The following TSPEAR variants were observed in gnomAD, a reference collection of about 807,000 sequenced individuals.
TSPEAR encodes thrombospondin type laminin G domain and EAR repeats, also known as thrombospondin-type laminin G domain and EAR repeat-containing protein.
In TSPEAR, 69 loss-of-function variants were observed where a neutral mutation model predicts 71.6. The observed-to-expected ratio is 0.96, with a 90% CI of 0.79 to 1.18. The LOEUF is 1.18. Among genes scored for constraint, TSPEAR ranks in the 50% most tolerant of loss-of-function variants. The pLI is 0.00. For missense variants in TSPEAR, 971 were observed against 894.9 expected (o/e 1.09, Z -1.09); for synonymous variants, 402 against 387.2 (o/e 1.04, Z -0.45).
intron 1 of TSPEAR, among the ~76,000 whole-genome samples, chr21:44,644,717 T>A (rs1256306996): frequency 1.3e-5 from 2 of 152,168 alleles, no homozygotes; most frequent in African/African-American, 4.8e-5. Context: ...ATGGATAACA[T>A]ATTTCATTCA....
At chr21:44,517,203 G>C (rs200722886) in intron 9 of TSPEAR, 2 of 153,878 alleles carry the variant, frequency 1.3e-5, no homozygotes, top group African/African-American at 4.8e-5. Context: ...ACACATACCA[G>C]TTCTCATTCC....
chr21:44,544,152 A>T (rs782700961), intron 2 of TSPEAR, among the ~76,000 whole-genome samples: 3 of 152,218 alleles, frequency 2.0e-5, no homozygotes, highest in Non-Finnish European at 4.4e-5. Context: ...GTGATCCATG[A>T]TGTGAAACAT....
At chr21:44,704,130 G>T (rs1158693345) in intron 1 of TSPEAR, among the ~76,000 whole-genome samples, 1 of 152,194 alleles carries the variant, frequency 6.6e-6, no homozygotes, top group East Asian at 1.9e-4. Flanking sequence ...GGGCCCTCCC[G>T]CAATTAGAAC....
At chr21:44,502,189 C>T (rs183433549) in intron 11 of TSPEAR, among the ~76,000 whole-genome samples, 1 of 152,328 alleles carries the variant, frequency 6.6e-6, no homozygotes, top group Admixed American at 6.5e-5. Flanking sequence ...TCAGCCCTGG[C>T]CCGGATGGCC....
intron 1 of TSPEAR, among the ~76,000 whole-genome samples, chr21:44,649,268 G>A (rs757124892): frequency 2.6e-4 from 39 of 152,200 alleles, no homozygotes; most frequent in Non-Finnish European, 4.9e-4. Context: ...AGCCCCAGGC[G>A]AGGCTGCTGG....
At chr21:44,648,945 C>T (rs1318739796) in intron 1 of TSPEAR, among the ~76,000 whole-genome samples, 1 of 152,210 alleles carries the variant, frequency 6.6e-6, no homozygotes, top group Non-Finnish European at 1.5e-5. Flanking sequence ...TGTGAACGTG[C>T]GTGAAGGTGC....
In TSPEAR at chr21:44,558,537, G is replaced by A. The variant is rs372171182; in HGVS notation, c.303+9248C>T. ...CTGGCAGGGGCTGGGCTCACAGGCC[G>A]CCTGGCAGCAGGGGCTGGACACACA... On this transcript the variant is annotated intron_variant, in intron 2 of 11. Transcript: ENST00000323084. 3.2e-5 allele frequency: 51 copies of A among 1,613,260 alleles called. No individual in the cohort carries two copies. In the Middle Eastern group the frequency reaches 6.9e-4, roughly 22 times the overall value.
At chr21:44,652,884 T>C (rs1424104136) in intron 1 of TSPEAR, among the ~76,000 whole-genome samples, 4 of 152,020 alleles carry the variant, frequency 2.6e-5, no homozygotes, top group Non-Finnish European at 4.4e-5. Flanking sequence ...TGGCGGGGTG[T>C]GGTGGCTCAC....
At chr21:44,669,227 A>C (rs1985937362) in intron 1 of TSPEAR, among the ~76,000 whole-genome samples, 1 of 152,186 alleles carries the variant, frequency 6.6e-6, no homozygotes, top group Admixed American at 6.5e-5. Flanking sequence ...GATCGAGACC[A>C]TCCTGGCTAA....
rs781794878 is a variant in TSPEAR at position 44,529,793 on chromosome 21, CTAACCATAGG to C, written c.785_790+4del. 36 of 1,613,584 alleles carry C rather than the reference CTAACCATAGG, an allele frequency of 2.2e-5. No individual in the cohort carries two copies. Among genetic ancestry groups the C allele is most frequent in the African/African-American group, 2.7e-5 (2 of 74,930 alleles). ...GGTGTGGGGGCGGGTGGCCCCCCTA[CTAACCATAGG>C]GATATTTTAGCACCTCGTTATCTTC... On this transcript the variant is annotated splice_donor_variant and splice_donor_region_variant and coding_sequence_variant and intron_variant, in exon 5 of 12. Coordinates refer to ENST00000323084, the MANE Select transcript of TSPEAR (RefSeq NM_144991.3). LOFTEE classifies it high-confidence loss of function.
At chr21:44,619,596 C>T (rs1027337940) in intron 1 of TSPEAR, among the ~76,000 whole-genome samples, 1 of 152,052 alleles carries the variant, frequency 6.6e-6, no homozygotes, top group Non-Finnish European at 1.5e-5. Context: ...CAATCACAGA[C>T]AATGAATTAA....
In TSPEAR at chr21:44,644,021, G is replaced by A. The variant is rs587672515; in HGVS notation, c.82+67412C>T. ...AATGTGTGTCACTTGCAGAAGACCT[G>A]GCCGTGGGCCACCCTGCCCTCCAGA... On this transcript the variant is annotated intron_variant, in intron 1 of 11. Coordinates refer to ENST00000323084, the MANE Select transcript of TSPEAR (RefSeq NM_144991.3). Among the ~76,000 whole-genome samples the A allele has an allele frequency of 2.0e-4, 31 of 152,336 alleles. No homozygotes were observed. In the South Asian group the frequency reaches 6.0e-3, roughly 30 times the overall value.
At chr21:44,579,269 A>G (rs1338921563) in intron 1 of TSPEAR, among the ~76,000 whole-genome samples, 1 of 152,144 alleles carries the variant, frequency 6.6e-6, no homozygotes, top group African/African-American at 2.4e-5. Context: ...CCAGGCATGG[A>G]GGCTGAGCCG....
chr21:44,504,239 G>GA (rs1286243183), intron 11 of TSPEAR, among the ~76,000 whole-genome samples: 4 of 129,480 alleles, frequency 3.1e-5, no homozygotes, highest in African/African-American at 1.2e-4. Context: ...GTGAGCCCTC[G>GA]GGGGGTAGCT....
chr21:44,595,255 C>T (rs1352191081), intron 1 of TSPEAR, among the ~76,000 whole-genome samples: 2 of 152,240 alleles, frequency 1.3e-5, no homozygotes, highest in East Asian at 1.9e-4. Flanking sequence ...CTGCCTCTTC[C>T]GTATATGCAC....
chr21:44,533,810 G>A lies in TSPEAR; in HGVS notation c.417C>T (p.Gly139=), dbSNP rs143704492. 22 of 1,612,364 alleles carry A rather than the reference G, an allele frequency of 1.4e-5. No homozygotes were observed. Among genetic ancestry groups the A allele is most frequent in the South Asian group, 7.7e-5 (7 of 91,072 alleles). ...GGAAGGACACTCGGGTCTGCCAGGC[G>A]CCGGCCGTGTCCTCGCGAAGGAACA... is the stretch of plus-strand genomic sequence containing the variant. ...HFLFLREDTA[G]AWQTRVSFRS... Residue 139 remains glycine, a synonymous_variant, in exon 3 of 12, where the codon GGC becomes GGT. Coordinates refer to ENST00000323084, the MANE Select transcript of TSPEAR (RefSeq NM_144991.3).
At chr21:44,596,554 T>A (rs1980382504) in intron 1 of TSPEAR, among the ~76,000 whole-genome samples, 1 of 152,200 alleles carries the variant, frequency 6.6e-6, no homozygotes, top group East Asian at 1.9e-4. Flanking sequence ...CTTAAAGGCA[T>A]GAGGTTTTGA....
intron 9 of TSPEAR, chr21:44,518,723 C>A (rs1034082826): frequency 4.3e-6 from 2 of 470,024 alleles, no homozygotes; most frequent in Non-Finnish European, 4.4e-6. Context: ...CCTACGTCTT[C>A]TTTCAGGATA....
intron 4 of TSPEAR, among the ~76,000 whole-genome samples, chr21:44,530,772 G>A (rs1351075812): frequency 1.3e-5 from 2 of 152,228 alleles, no homozygotes; most frequent in Non-Finnish European, 2.9e-5. Flanking sequence ...CTCCGGGGAA[G>A]GGGCTGCAGG....
Sources: allele counts gnomAD v4.1 joint callset (sites outside exome capture counted in the v4.1 genomes callset), GRCh38; gene constraint gnomAD v4.1.1; transcripts MANE v1.5; gene names NCBI Gene and HGNC (gene_info 2026-07-23, HGNC 2026-07-21).